Variants in CSMD1 observed in about 807,000 individuals in gnomAD.
CSMD1 encodes the protein CUB and Sushi multiple domains 1.
A neutral mutation model predicts 417.5 loss-of-function variants in CSMD1; 213 were observed. The ratio of observed to expected loss-of-function variants is 0.51; its 90% CI spans 0.46 to 0.57. CSMD1 has a LOEUF of 0.57. Ranked by LOEUF, CSMD1 falls within the 20% of genes least tolerant of loss-of-function variation. CSMD1 has a pLI of 0.00. For missense variants in CSMD1, 6,923 were observed against 4,529.7 expected (o/e 1.53, Z -15.17); for synonymous variants, 2,862 against 1,736.8 (o/e 1.65, Z -16.11).
At chr8:4,039,276 A>G (rs1797768804) in intron 3 of CSMD1, among the ~76,000 whole-genome samples, 1 of 152,026 alleles carries the variant, frequency 6.6e-6, no homozygotes, top group Non-Finnish European at 1.5e-5. Context: ...ATAACTCCAA[A>G]TTCCTTCATG....
intron 3 of CSMD1, among the ~76,000 whole-genome samples, chr8:4,417,737 C>G (rs959423334): frequency 7.9e-5 from 12 of 152,068 alleles, no homozygotes; most frequent in South Asian, 2.1e-4. Context: ...TTTTGTGACT[C>G]TAAATCAACT....
chr8:3,043,236 A>G (rs115422476), intron 50 of CSMD1, among the ~76,000 whole-genome samples: 4,319 of 147,908 alleles, frequency 0.029, 231 homozygotes, highest in African/African-American at 0.1. Context: ...ATGACCTAGT[A>G]CTGTAGGATT....
rs996732262 is a variant in CSMD1 at position 4,455,640 on chromosome 8, C to T, written c.303-35575G>A. On this transcript the variant is annotated intron_variant, in intron 2 of 69. Transcript: ENST00000635120. ...CTCTTTCAGGAGGAAAAACATAAAACGCAATTGAGGCCAGATACAGTGGCT... is the reference window on the plus strand; with the variant it reads ...CTCTTTCAGGAGGAAAAACATAAAATGCAATTGAGGCCAGATACAGTGGCT... 9.2e-5 allele frequency among the ~76,000 whole-genome samples: 14 copies of T among 151,716 alleles called. No individual in the cohort carries two copies. In the East Asian group the frequency reaches 1.4e-3, roughly 15 times the overall value.
At chr8:4,251,905 G>A (rs1023332035) in intron 3 of CSMD1, among the ~76,000 whole-genome samples, 1 of 149,490 alleles carries the variant, frequency 6.7e-6, no homozygotes, top group Non-Finnish European at 1.5e-5. Context: ...GAGGGGAGGG[G>A]AGGATAATGT....
intron 21 of CSMD1, among the ~76,000 whole-genome samples, chr8:3,353,520 C>T (rs568084681): frequency 1.4e-4 from 22 of 152,262 alleles, no homozygotes; most frequent in African/African-American, 4.3e-4. Context: ...ATGGATGTGT[C>T]AAAGAAACTG....
chr8:4,416,599 T>C (rs530780967), intron 3 of CSMD1, among the ~76,000 whole-genome samples: 19 of 152,192 alleles, frequency 1.2e-4, no homozygotes, highest in African/African-American at 3.4e-4. Flanking sequence ...TATTATAAAA[T>C]AGAAGAATTC....
chr8:3,447,516 T>C (rs1228661740), intron 12 of CSMD1, among the ~76,000 whole-genome samples: 1 of 152,178 alleles, frequency 6.6e-6, no homozygotes, highest in Non-Finnish European at 1.5e-5. Context: ...CAGTGTACTT[T>C]GTGCGGCTGG....
intron 10 of CSMD1, among the ~76,000 whole-genome samples, chr8:3,538,542 T>A (rs1049882864): frequency 3.9e-5 from 6 of 152,250 alleles, no homozygotes; most frequent in African/African-American, 1.4e-4. Flanking sequence ...TCGCCTGCGA[T>A]GCCGCACTTG....
chr8:3,162,377 A>G, intron 37 of CSMD1, 100 bp from the exon 38 acceptor site: 1 of 776,554 alleles, frequency 1.3e-6, no homozygotes, highest in South Asian at 1.6e-5. Flanking sequence ...CTTCTGTAGA[A>G]ATGAACAAAG....
chr8:3,837,813 G>A (rs1369940388), intron 5 of CSMD1, among the ~76,000 whole-genome samples: 1 of 152,094 alleles, frequency 6.6e-6, no homozygotes, highest in Non-Finnish European at 1.5e-5. Flanking sequence ...AAGAACCAGT[G>A]CTTCCCTCTC....
intron 5 of CSMD1, among the ~76,000 whole-genome samples, chr8:3,990,329 A>C (rs1011881592): frequency 9.2e-5 from 14 of 152,188 alleles, no homozygotes. Flanking sequence ...AATTTGGAGA[A>C]ATCTGACATG....
rs559507587 is a variant in CSMD1 at position 4,343,782 on chromosome 8, G to A, written c.415+76171C>T. ...GGGGCTCATCTTTCTCATCCTACAC[G>A]TTCCGTATTAGAAATATGTGGAACA... On this transcript the variant is annotated intron_variant, in intron 3 of 69. Coordinates refer to ENST00000635120, the MANE Select transcript of CSMD1 (RefSeq NM_033225.6). Among the ~76,000 whole-genome samples, 471 of 151,968 alleles carry A rather than the reference G, an allele frequency of 3.1e-3. 3 individuals carry two copies. The highest frequency in any genetic ancestry group is 0.011 in the African/African-American group (459 of 41,470).
At chr8:3,734,889 G>A (rs960454055) in intron 6 of CSMD1, among the ~76,000 whole-genome samples, 1 of 152,122 alleles carries the variant, frequency 6.6e-6, no homozygotes, top group Non-Finnish European at 1.5e-5. Flanking sequence ...CTGTACTGAA[G>A]CAATTTTCCG....
intron 3 of CSMD1, among the ~76,000 whole-genome samples, chr8:4,387,503 A>C (rs895190608): frequency 1.4e-5 from 2 of 137,932 alleles, no homozygotes; most frequent in Admixed American, 1.6e-4. Context: ...ATAATTGTTC[A>C]TAAATACTAT....
At chr8:4,701,018 G>A (rs759639821) in intron 1 of CSMD1, among the ~76,000 whole-genome samples, 1 of 152,098 alleles carries the variant, frequency 6.6e-6, no homozygotes, top group Non-Finnish European at 1.5e-5. Flanking sequence ...ATCGGTGAAC[G>A]GGAGGCAAAC....
chr8:3,604,740 G>A (rs1801528099), intron 8 of CSMD1, among the ~76,000 whole-genome samples: 1 of 152,112 alleles, frequency 6.6e-6, no homozygotes, highest in Non-Finnish European at 1.5e-5. Flanking sequence ...TAACATCAGT[G>A]CCCTTGGACA....
chr8:4,543,323 C>T (rs1316436855), intron 2 of CSMD1, among the ~76,000 whole-genome samples: 1 of 152,154 alleles, frequency 6.6e-6, no homozygotes, highest in Non-Finnish European at 1.5e-5. Context: ...CACCCCCTGG[C>T]AACCACCCAT....
At chr8:4,464,704 G>A (rs543574920) in intron 2 of CSMD1, among the ~76,000 whole-genome samples, 1 of 152,216 alleles carries the variant, frequency 6.6e-6, no homozygotes, top group African/African-American at 2.4e-5. Flanking sequence ...CTGTATTGTT[G>A]TGTTTTAATG....
chr8:2,950,453 G>C (rs1271045386), intron 66 of CSMD1, 110 bp from the exon 67 acceptor site: 3 of 682,970 alleles, frequency 4.4e-6, no homozygotes, highest in Non-Finnish European at 5.2e-6. Context: ...ATCGATAATA[G>C]AAAACTCAAA....
Sources: allele counts gnomAD v4.1 joint callset (sites outside exome capture counted in the v4.1 genomes callset), GRCh38; gene constraint gnomAD v4.1.1; transcripts MANE v1.5; gene names NCBI Gene and HGNC (gene_info 2026-07-23, HGNC 2026-07-21).